EEFSEC: variants seen among roughly 807,000 people sequenced by gnomAD.
The protein encoded by EEFSEC is eukaryotic elongation factor, selenocysteine-tRNA specific.
In EEFSEC, 43 loss-of-function variants were observed where a neutral mutation model predicts 42.1. That is an observed-to-expected ratio of 1.02 (90% confidence interval 0.80 to 1.32). The LOEUF (loss-of-function observed/expected upper bound fraction) is 1.32, where lower values mean the gene tolerates loss of function less well. Among genes scored for constraint, EEFSEC ranks in the 40% most tolerant of loss-of-function variants. The probability of loss-of-function intolerance (pLI) is 0.00; values close to 1 mark genes in which losing one functional copy is unlikely to be tolerated. For missense variants in EEFSEC, 745 were observed against 803.6 expected, an observed-to-expected ratio of 0.93 and a Z score of 0.88; for synonymous variants, 354 against 339.1, an observed-to-expected ratio of 1.04 and a Z score of -0.48.
chr3:128,317,183 G>A lies in EEFSEC; in HGVS notation c.787-24050G>A, dbSNP rs569056538. On this transcript the variant is annotated intron_variant, in intron 4 of 6. Coordinates refer to ENST00000254730, the MANE Select transcript of EEFSEC (RefSeq NM_021937.5). The surrounding 1 kb of genome is among the most constrained non-coding windows in gnomAD (Gnocchi z 4.1). ...GCCTCAATAGGGCAGCAAGGGCCCC[G>A]CAGAAGCAGTGCGTGCTGCTGGCTG... Among the ~76,000 whole-genome samples, 11 of 152,222 alleles carry A rather than the reference G, an allele frequency of 7.2e-5. No homozygotes were observed. The highest frequency in any genetic ancestry group is 2.1e-4 in the South Asian group (1 of 4,822).
intron 1 of EEFSEC, among the ~76,000 whole-genome samples, chr3:128,225,206 GT>G (rs982205027): frequency 9.9e-5 from 15 of 151,918 alleles, no homozygotes; most frequent in African/African-American, 3.6e-4. Context: ...TCTTTTTTTG[GT>G]TTTGTGTCTA....
chr3:128,372,892 G>A (rs2067670223), intron 6 of EEFSEC, among the ~76,000 whole-genome samples: 1 of 152,240 alleles, frequency 6.6e-6, no homozygotes, highest in African/African-American at 2.4e-5. Context: ...GCTGCGCCTA[G>A]CGAGGGTTGG....
chr3:128,302,578 G>C (rs917575417), intron 4 of EEFSEC, among the ~76,000 whole-genome samples: 1 of 151,610 alleles, frequency 6.6e-6, no homozygotes, highest in African/African-American at 2.4e-5. Flanking sequence ...ATACAGAAGA[G>C]GAAAAAATAA....
chr3:128,221,290 A>G (rs1051754318), intron 1 of EEFSEC, among the ~76,000 whole-genome samples: 5 of 152,258 alleles, frequency 3.3e-5, no homozygotes, highest in Admixed American at 3.3e-4. Context: ...AGGAGGTCAA[A>G]TTCTCAGCAG....
At chr3:128,415,434 G>C in the EEFSEC span, among the ~76,000 whole-genome samples, 1 of 149,266 alleles carries the variant, frequency 6.7e-6, no homozygotes, top group Non-Finnish European at 1.5e-5. Flanking sequence ...TGGAAGTTGT[G>C]TAATGGGTGT....
At chr3:128,272,101 TCCA>T (rs1168833716) in intron 4 of EEFSEC, among the ~76,000 whole-genome samples, 8 of 152,322 alleles carry the variant, frequency 5.3e-5, no homozygotes, top group Middle Eastern at 3.4e-3. Context: ...GCTGGCTGGC[TCCA>T]GAACTGGCTC....
At chr3:128,387,471 G>A (rs1328106256) in intron 6 of EEFSEC, among the ~76,000 whole-genome samples, 2 of 152,196 alleles carry the variant, frequency 1.3e-5, no homozygotes, top group Non-Finnish European at 2.9e-5. Flanking sequence ...GATCTGGGAA[G>A]TCTGGGGGGC....
chr3:128,402,269 A>C (rs957253986), intron 6 of EEFSEC, among the ~76,000 whole-genome samples: 1 of 152,262 alleles, frequency 6.6e-6, no homozygotes, highest in African/African-American at 2.4e-5. Flanking sequence ...CCAGGGCTGC[A>C]GCAGAATTCT....
At chr3:128,181,836 C>G (rs1018404137) in intron 1 of EEFSEC, among the ~76,000 whole-genome samples, 2 of 152,084 alleles carry the variant, frequency 1.3e-5, no homozygotes, top group East Asian at 1.9e-4. Context: ...TTTTTTGATA[C>G]GAAGTCTCGC....
At chr3:128,160,382 C>T (rs556183950) in intron 1 of EEFSEC, among the ~76,000 whole-genome samples, 2 of 152,276 alleles carry the variant, frequency 1.3e-5, no homozygotes, top group East Asian at 1.9e-4. Flanking sequence ...TGGAAATCGG[C>T]GTGGTGTGTG....
intron 4 of EEFSEC, among the ~76,000 whole-genome samples, chr3:128,299,888 C>A (rs548590293): frequency 2.0e-5 from 3 of 152,228 alleles, no homozygotes; most frequent in African/African-American, 7.2e-5. Flanking sequence ...GCACCTCGTG[C>A]ACTCTTGAGG....
At chr3:128,344,764 C>T (rs181934634) in intron 5 of EEFSEC, among the ~76,000 whole-genome samples, 21 of 152,312 alleles carry the variant, frequency 1.4e-4, no homozygotes, top group East Asian at 1.9e-4. Context: ...AACAGCTGTA[C>T]GCCTTGGGCA....
downstream of EEFSEC, among the ~76,000 whole-genome samples, chr3:128,410,039 G>T (rs72979309): frequency 1.3e-5 from 2 of 152,176 alleles, no homozygotes; most frequent in African/African-American, 2.4e-5. Context: ...AGTCAGCACC[G>T]AGCTGGGCTC....
At chr3:128,281,480 A>G (rs1343251241) in intron 4 of EEFSEC, among the ~76,000 whole-genome samples, 1 of 152,186 alleles carries the variant, frequency 6.6e-6, no homozygotes, top group African/African-American at 2.4e-5. Context: ...CAGAGGTAGC[A>G]TGGGTAAGTT....
intron 1 of EEFSEC, among the ~76,000 whole-genome samples, chr3:128,205,486 C>A (rs999658289): frequency 1.3e-5 from 2 of 152,126 alleles, no homozygotes; most frequent in African/African-American, 4.8e-5. Context: ...GTGTTCCCTC[C>A]CACAATTAAT....
chr3:128,217,130 G>A (rs2065818669), intron 1 of EEFSEC, among the ~76,000 whole-genome samples: 1 of 152,202 alleles, frequency 6.6e-6, no homozygotes, highest in Non-Finnish European at 1.5e-5. Context: ...AGATGCTAGT[G>A]ATGAGAGCTG....
chr3:128,182,884 G>T (rs1310148677), intron 1 of EEFSEC, among the ~76,000 whole-genome samples: 3 of 77,952 alleles, frequency 3.8e-5, no homozygotes, highest in African/African-American at 1.6e-4. Context: ...AGATCGGGGC[G>T]GGGGGGTGGG....
intron 1 of EEFSEC, among the ~76,000 whole-genome samples, chr3:128,189,536 G>A (rs887086054): frequency 6.0e-5 from 9 of 150,470 alleles, no homozygotes; most frequent in Non-Finnish European, 1.2e-4. Flanking sequence ...TTATTTTAGT[G>A]TGTACTCCTT....
intron 1 of EEFSEC, among the ~76,000 whole-genome samples, chr3:128,159,261 GGCTAGTGTTGGAACCTAACTCC>G (rs1454612500): frequency 1.3e-5 from 2 of 152,162 alleles, no homozygotes; most frequent in Non-Finnish European, 2.9e-5. Context: ...AAGTGCCTTG[GGCTAGTGTTGGAACCTAACTCC>G]GCCACCCCTA....
Sources: gnomAD v4.1 joint callset for allele counts (sites outside exome capture counted in the v4.1 genomes callset) on GRCh38, gnomAD v4.1.1 for gene constraint, Gnocchi (gnomAD v3.1) non-coding constraint, MANE v1.5 for transcripts, NCBI Gene and HGNC (gene_info 2026-07-23, HGNC 2026-07-21) for gene names.